RUNX3: variants seen among roughly 807,000 people sequenced by gnomAD.
RUNX3 encodes runt-related transcription factor 3.
RUNX3 carries 10 observed loss-of-function variants against 27.7 expected under a neutral mutation model. The ratio of observed to expected loss-of-function variants is 0.36; its 90% confidence interval spans 0.22 to 0.61. The LOEUF (loss-of-function observed/expected upper bound fraction) is 0.61, where lower values mean the gene tolerates loss of function less well. Among genes scored for constraint, RUNX3 ranks in the 20% least tolerant of loss-of-function variants. RUNX3 has a pLI of 0.72. For synonymous variants in RUNX3, 270 were observed against 269.2 expected, an observed-to-expected ratio of 1.00 and a Z score of -0.03; for missense variants, 469 against 629.5, an observed-to-expected ratio of 0.75 and a Z score of 2.73.
chr1:24,913,834 CATCAGGGTTA>C (rs1345520235), intron 3 of RUNX3, among the ~76,000 whole-genome samples: 17 of 152,204 alleles, frequency 1.1e-4, no homozygotes, highest in Non-Finnish European at 2.1e-4. Flanking sequence ...ACCAAGAGAC[CATCAGGGTTA>C]CCCCCTTGCC....
rs948637465 is a variant in RUNX3 at position 24,901,314 on chromosome 1, C to T, written c.*808G>A. On this transcript the variant is annotated 3_prime_UTR_variant, in exon 5 of 5. Coordinates refer to ENST00000308873, the MANE Select transcript of RUNX3 (RefSeq NM_004350.3). ...ACCTAGGGGAAAGGGGACCTCCTAT[C>T]CCCCCTCCCCCGCCCTGCCAAGAGA... 5 of 152,652 alleles carry T rather than the reference C, an allele frequency of 3.3e-5. No homozygotes were observed. The highest frequency in any genetic ancestry group is 1.2e-4 in the African/African-American group (5 of 41,394). 9.5% of individuals were successfully genotyped at this position (152,652 alleles called of 1,614,324 possible).
chr1:24,908,064 A>AAACCTCTACGACACG (rs1640708822), intron 3 of RUNX3, among the ~76,000 whole-genome samples: 1 of 70,352 alleles, frequency 1.4e-5, no homozygotes, highest in Non-Finnish European at 2.8e-5. Flanking sequence ...TCTACGACAC[A>AAACCTCTACGACACG]CGGTGATCCG....
intron 2 of RUNX3, among the ~76,000 whole-genome samples, chr1:24,924,188 GAAC>G (rs1471887899): frequency 6.6e-6 from 1 of 152,126 alleles, no homozygotes; most frequent in East Asian, 1.9e-4. Context: ...GCAACACAGT[GAAC>G]AACACCCCCA....
rs1424049892 is a variant in RUNX3 at position 24,927,751 on chromosome 1, G to A, written c.283-21C>T. On this transcript the variant is annotated intron_variant, in intron 1 of 4. Coordinates refer to ENST00000308873, the MANE Select transcript of RUNX3 (RefSeq NM_004350.3). This position sits in a 1 kb window ranked among gnomAD's most constrained non-coding sequence, Gnocchi z 5.0. The stretch of plus-strand genomic sequence containing the variant: ...ACCACCTGAAGACACGGGGCGGGGG[G>A]ATGCAGGGGGACAGCTTAGAAAGGA... 1.2e-6 allele frequency: 2 copies of A among 1,605,772 alleles called. No homozygotes were observed. The highest frequency in any genetic ancestry group is 1.3e-5 in the African/African-American group (1 of 74,782).
chr1:24,940,069 G>C (rs1257242597), intron 2 of RUNX3, among the ~76,000 whole-genome samples: 1 of 152,228 alleles, frequency 6.6e-6, no homozygotes, highest in South Asian at 2.1e-4. Flanking sequence ...AGGAGAGCAG[G>C]CTTGGGGGGT....
chr1:24,952,723 C>T (rs1316321027), intron 2 of RUNX3, among the ~76,000 whole-genome samples: 3 of 152,210 alleles, frequency 2.0e-5, no homozygotes, highest in Non-Finnish European at 4.4e-5. Flanking sequence ...CCACAGCGGC[C>T]TGGAGAGGTC....
rs964003265 is a variant in RUNX3 at position 24,911,114 on chromosome 1, G to A, written c.545-3697C>T. 2.6e-5 allele frequency among the ~76,000 whole-genome samples: 4 copies of A among 152,242 alleles called. No individual in the cohort carries two copies. The East Asian group carries it at 7.7e-4, about 29-fold the overall frequency. On this transcript the variant is annotated intron_variant, in intron 3 of 4. Transcript: ENST00000308873. ...AGGCCACTGGAAATGGCAGGGAGAT[G>A]TGGATGAGCTGGGGGACAAGTGAGC...
intron 2 of RUNX3, among the ~76,000 whole-genome samples, chr1:24,939,950 G>T (rs1165725214): frequency 6.6e-6 from 1 of 152,226 alleles, no homozygotes; most frequent in East Asian, 1.9e-4. Flanking sequence ...TTCATCCTGA[G>T]CCCCCTCTGT....
rs112094569 is a variant in RUNX3, at chr1:24,900,739, G to A, written c.*1383C>T. Reference sequence around the variant, plus strand: ...GAGCCACAGAGGAGAGATGCCCAGCGTCTCATCAGCGTTTCCCTCGTCCTC... The same window carrying A: ...GAGCCACAGAGGAGAGATGCCCAGCATCTCATCAGCGTTTCCCTCGTCCTC... On this transcript the variant is annotated 3_prime_UTR_variant, in exon 5 of 5. Coordinates refer to ENST00000308873, the MANE Select transcript of RUNX3 (RefSeq NM_004350.3). The A allele has an allele frequency of 0.014, 2,167 of 152,516 alleles. 18 individuals are homozygous for A. The highest frequency in any genetic ancestry group is 0.021 in the Non-Finnish European group (1,411 of 68,124). The allele number at this position is 152,516 out of a possible 1,614,324, so 9.4% of individuals were successfully genotyped here.
At chr1:24,939,324 G>A (rs1271613762) in intron 2 of RUNX3, among the ~76,000 whole-genome samples, 2 of 152,216 alleles carry the variant, frequency 1.3e-5, no homozygotes. Context: ...CCTCATGGAG[G>A]ACAGCATTGT....
At chr1:24,952,435 G>A (rs1328789305) in intron 2 of RUNX3, among the ~76,000 whole-genome samples, 1 of 152,214 alleles carries the variant, frequency 6.6e-6, no homozygotes, top group East Asian at 1.9e-4. Flanking sequence ...AAGTCCTGCA[G>A]CAAAACACCA....
Position 24,901,894 on chromosome 1 carries a change from G to A in RUNX3, c.*228C>T. ...ATGGGATGAGACGGCCAGGATCTGGGCCGGGGGCAGTATCCCGGGCCGGGG... is the reference window on the plus strand; with the variant it reads ...ATGGGATGAGACGGCCAGGATCTGGACCGGGGGCAGTATCCCGGGCCGGGG... On this transcript the variant is annotated 3_prime_UTR_variant, in exon 5 of 5. Coordinates refer to ENST00000308873, the MANE Select transcript of RUNX3 (RefSeq NM_004350.3). 1 of 522,054 alleles carries A rather than the reference G, an allele frequency of 1.9e-6. No individual in the cohort carries two copies. The highest frequency in any genetic ancestry group is 3.1e-5 in the South Asian group (1 of 32,432). 32.3% of individuals were successfully genotyped at this position (522,054 alleles called of 1,614,324 possible). A position where few individuals can be genotyped will look rare whatever the true frequency, so the allele number is the denominator to read the frequency against.
intron 2 of RUNX3, among the ~76,000 whole-genome samples, chr1:24,957,455 A>G (rs889308811): frequency 1.3e-5 from 2 of 152,148 alleles, no homozygotes; most frequent in African/African-American, 2.4e-5. Context: ...CCTGCTCCCA[A>G]GAACACCCTT....
chr1:24,958,550 C>T (rs2124383125), intron 2 of RUNX3, among the ~76,000 whole-genome samples: 1 of 152,362 alleles, frequency 6.6e-6, no homozygotes, highest in South Asian at 2.1e-4. Flanking sequence ...GTCCCACTCC[C>T]AGCCCTAGGC....
intron 2 of RUNX3, among the ~76,000 whole-genome samples, chr1:24,936,361 G>A (rs1450907788): frequency 6.6e-6 from 1 of 152,154 alleles, no homozygotes; most frequent in Admixed American, 6.5e-5. Context: ...GGATTCCAAC[G>A]AGGCAGCCTG....
At position 24,940,664 on chromosome 1, in the gene RUNX3, T is replaced by TG. The variant is rs1178123153; in HGVS notation, c.59-10813dup. Among the ~76,000 whole-genome samples the TG allele has an allele frequency of 7.5e-5, 11 of 147,224 alleles. 1 individual carries two copies. In the Middle Eastern group the frequency reaches 0.018, roughly 237 times the overall value. ...ATCTCAGCTACTTGGAAGGGTGAGGTGGGGGGATCTACTTGAGGCCTAGAG... is the reference window on the plus strand; with the variant it reads ...ATCTCAGCTACTTGGAAGGGTGAGGTGGGGGGGATCTACTTGAGGCCTAGAG... On this transcript the variant is annotated intron_variant, in intron 2 of 6. Coordinates refer to the RUNX3 transcript ENST00000338888.
intron 2 of RUNX3, among the ~76,000 whole-genome samples, chr1:24,963,267 T>C (rs1373743241): frequency 6.6e-6 from 1 of 152,224 alleles, no homozygotes; most frequent in Non-Finnish European, 1.5e-5. Context: ...CACCCAAATG[T>C]GTCTGGGTCC....
At chr1:24,932,182 C>T (rs892116542), upstream of RUNX3, among the ~76,000 whole-genome samples, 5 of 152,228 alleles carry the variant, frequency 3.3e-5, no homozygotes, top group Middle Eastern at 3.2e-3. Context: ...TCTCCCTCTC[C>T]GCTTACGATG....
At chr1:24,946,336 C>T (rs1454855381) in intron 2 of RUNX3, among the ~76,000 whole-genome samples, 2 of 152,178 alleles carry the variant, frequency 1.3e-5, no homozygotes, top group Admixed American at 6.5e-5. Context: ...GCCTTCTGCT[C>T]TTCTTACTGT....
Sources: allele counts gnomAD v4.1 joint callset (sites outside exome capture counted in the v4.1 genomes callset), GRCh38; gene constraint gnomAD v4.1.1; non-coding constraint Gnocchi (gnomAD v3.1); transcripts MANE v1.5; gene names NCBI Gene and HGNC (gene_info 2026-07-23, HGNC 2026-07-21).